DHX34: variants seen among roughly 807,000 people sequenced by gnomAD.
DHX34 encodes DExH-box helicase 34, also known as probable ATP-dependent RNA helicase DHX34.
Under a neutral mutation model 111.1 loss-of-function variants are expected in DHX34, and 96 were observed. The observed-to-expected ratio is 0.86, with a 90% CI of 0.73 to 1.02. The LOEUF is 1.02. Among genes scored for constraint, DHX34 ranks in the 50% least tolerant of loss-of-function variants. The pLI is 0.00. For synonymous variants in DHX34, 688 were observed against 670.4 expected (o/e 1.03, Z -0.41); for missense variants, 1,560 against 1,579.9 (o/e 0.99, Z 0.21).
chr19:47,373,849 G>A (rs117039293), intron 9 of DHX34, 149 bp downstream of exon 9: 1 of 1,046,574 alleles, frequency 9.6e-7, no homozygotes, highest in East Asian at 2.7e-5. Context: ...ACCAGGTGTT[G>A]GGGCAGCTGG....
At chr19:47,381,381 T>C (rs571412986) in intron 16 of DHX34, 57 bp downstream of exon 16, 9 of 1,577,078 alleles carry the variant, frequency 5.7e-6, no homozygotes, top group Non-Finnish European at 7.8e-6. Context: ...GCCCATCCCA[T>C]GATGGTCTCC....
chr19:47,351,256 G>T (rs1969279887), intron 1 of DHX34, among the ~76,000 whole-genome samples: 1 of 132,698 alleles, frequency 7.5e-6, no homozygotes. Flanking sequence ...TTGGCTTCCT[G>T]CAAGCTCTGC....
At chr19:47,351,089 TGA>T (rs1969269575) in intron 1 of DHX34, among the ~76,000 whole-genome samples, 1 of 151,458 alleles carries the variant, frequency 6.6e-6, no homozygotes, top group Admixed American at 6.6e-5. Flanking sequence ...ATAGATACCT[TGA>T]GAGGAGCGGG....
rs1191964022 is a variant in DHX34, at chr19:47,376,316, C to G, written c.2482-127C>G. 2.0e-6 allele frequency: 3 copies of G among 1,525,904 alleles called. No individual in the cohort carries two copies. In the East Asian group the frequency reaches 7.3e-5, roughly 37 times the overall value. 94.5% of individuals were successfully genotyped at this position (1,525,904 alleles called of 1,614,324 possible). A position where few individuals can be genotyped will look rare whatever the true frequency, so the allele number is the denominator to read the frequency against. On this transcript the variant is annotated intron_variant, in intron 11 of 16. Transcript: ENST00000328771. The stretch of plus-strand genomic sequence containing the variant: ...TAGGAGCCCACAGGGGGCATCTGCC[C>G]CAGATTTGGAGGAGTCAGGGAGGGC...
chr19:47,354,932 G>C, intron 2 of DHX34, 107 bp from the exon 3 acceptor site: 1 of 1,532,366 alleles, frequency 6.5e-7, no homozygotes, highest in Non-Finnish European at 8.7e-7. Flanking sequence ...GGGATTACAG[G>C]CGTGAGCCAC....
intron 6 of DHX34, among the ~76,000 whole-genome samples, chr19:47,365,283 A>C (rs1224992425): frequency 6.6e-6 from 1 of 151,194 alleles, no homozygotes; most frequent in Non-Finnish European, 1.5e-5. Context: ...ACAGAGTCTC[A>C]CTCTGTCGCC....
intron 13 of DHX34, among the ~76,000 whole-genome samples, chr19:47,378,597 A>G (rs1442703830): frequency 6.6e-6 from 1 of 152,172 alleles, no homozygotes; most frequent in Admixed American, 6.5e-5. Flanking sequence ...TGGGAGGCTG[A>G]GGTGGGAGGA....
At chr19:47,362,420 G>T (rs1969657914) in intron 5 of DHX34, 56 bp from the exon 6 acceptor site, 4 of 1,451,404 alleles carry the variant, frequency 2.8e-6, no homozygotes, top group Non-Finnish European at 3.6e-6. Context: ...CAGGCGCGTG[G>T]CCAGCTGCAC....
intron 9 of DHX34, chr19:47,375,251 G>C (rs1454631710): frequency 1.0e-6 from 1 of 982,324 alleles, no homozygotes; most frequent in African/African-American, 1.7e-5. Flanking sequence ...GCCCGCACCT[G>C]CCTCCTCTTG....
In DHX34 at chr19:47,359,972, T is replaced by C; in HGVS notation, c.1277T>C (p.Phe426Ser). The C allele has an allele frequency of 1.2e-6, 2 of 1,614,074 alleles. No individual in the cohort carries two copies. Among genetic ancestry groups the C allele is most frequent in the Non-Finnish European group, 1.7e-6 (2 of 1,179,976 alleles). Reference sequence around the variant, plus strand: ...CACCCCCTCCCTTCCTCCCAGGTATTTGATGTGGCACCCCCTGGAGTCCGG... The same window carrying C: ...CACCCCCTCCCTTCCTCCCAGGTATCTGATGTGGCACCCCCTGGAGTCCGG... Reference protein sequence around the residue: ...ALSVADQDKVFDVAPPGVRKC... With the variant: ...ALSVADQDKVSDVAPPGVRKC... Residue 426 changes from phenylalanine (F) to serine (S), a missense_variant, in exon 5 of 17, where the codon TTT becomes TCT. Transcript: ENST00000328771.
In DHX34 at chr19:47,353,656, G is replaced by A; in HGVS notation, c.626G>A (p.Cys209Tyr). ...GCTGCTGGCTTCAGTCATGTGGCGT[G>A]CACCCAGCCCCGGCGGATCGCCTGC... ...LLAAGFSHVACTQPRRIACIS... is the reference protein window; with the variant it reads ...LLAAGFSHVAYTQPRRIACIS... The change falls in exon 2 of 17, where the codon TGC becomes TAC. Residue 209 changes from cysteine to tyrosine, a missense_variant. Coordinates refer to ENST00000328771, the MANE Select transcript of DHX34 (RefSeq NM_014681.6). The surrounding 1 kb of genome is among the most constrained non-coding windows in gnomAD (Gnocchi z 4.6). 6.2e-7 allele frequency: 1 copy of A among 1,613,074 alleles called. No homozygotes were observed.
In DHX34 at chr19:47,379,774, G is replaced by C. The variant is rs763495420; in HGVS notation, c.2771G>C (p.Gly924Ala). 6.2e-7 allele frequency: 1 copy of C among 1,613,088 alleles called. No homozygotes were observed. Among genetic ancestry groups the C allele is most frequent in the Non-Finnish European group, 8.5e-7 (1 of 1,179,234 alleles). ...NGDCSRLVAD[G>A]WLELQLADSE... ...GACTGCTCCCGCCTGGTGGCCGATG[G>C]CTGGCTGGAGCTGCAGCTAGCAGAC... Residue 924 changes from glycine to alanine, a missense_variant, in exon 14 of 17, where the codon GGC becomes GCC. Physicochemically the swap from Gly to Ala is moderately conservative, Grantham distance 60. Transcript: ENST00000328771.
At position 47,362,616 on chromosome 19, in the gene DHX34, G is replaced by A. The variant is rs550371648; in HGVS notation, c.1516G>A (p.Glu506Lys). The A allele has an allele frequency of 3.7e-5, 60 of 1,613,914 alleles. 1 individual carries two copies. The South Asian group carries it at 4.1e-4, about 11-fold the overall frequency. ...CGGAGTCTGCTTCCGCCTCTATGCC[G>A]AATCGGACTATGATGCCTTCGCCCC... ...GPGVCFRLYA[E>K]SDYDAFAPYP... The change falls in exon 6 of 17, where the codon GAA becomes AAA. Residue 506 changes from glutamate to lysine, a missense_variant. Glu to Lys is a moderately conservative substitution (Grantham distance 56). Transcript: ENST00000328771.
intron 12 of DHX34, 88 bp downstream of exon 12, chr19:47,376,648 C>T: frequency 2.0e-6 from 3 of 1,498,388 alleles, no homozygotes; most frequent in Non-Finnish European, 1.8e-6. Flanking sequence ...GGCTGGGGCT[C>T]CCACACCGGC....
Position 47,373,682 on chromosome 19 carries a change from C to T in DHX34, c.2046C>T (p.Asn682=). The change falls in exon 9 of 17, where the codon AAC becomes AAT. Residue 682 remains asparagine, a synonymous_variant. Coordinates refer to ENST00000328771, the MANE Select transcript of DHX34 (RefSeq NM_014681.6). The part of the protein sequence containing the change: ...IEEHRLYEMA[N]LRRQFKELLE... ...AGCATCGACTGTACGAAATGGCCAA[C>T]CTTCGGCGCCAGTTCAAGGTGAGGC... is the stretch of plus-strand genomic sequence containing the variant. The T allele has an allele frequency of 6.2e-7, 1 of 1,613,868 alleles. No individual in the cohort carries two copies. Among genetic ancestry groups the T allele is most frequent in the Non-Finnish European group, 8.5e-7 (1 of 1,179,900 alleles).
Position 47,352,878 on chromosome 19 carries a change from C to T in DHX34, c.-153C>T. ...TGGCCACTTTATCATCTGTGGTGGT[C>T]CTGTGCCGTGACCAGGAGGAAAAAT... On this transcript the variant is annotated 5_prime_UTR_variant, in exon 2 of 17. Transcript: ENST00000328771. 2 of 1,427,762 alleles carry T rather than the reference C, an allele frequency of 1.4e-6. No homozygotes were observed. Among genetic ancestry groups the T allele is most frequent in the South Asian group, 1.5e-5 (1 of 65,842 alleles). The allele number at this position is 1,427,762 out of a possible 1,614,324, so 88.4% of individuals were successfully genotyped here.
At chr19:47,379,233 C>T (rs1193539857) in intron 13 of DHX34, among the ~76,000 whole-genome samples, 1 of 152,134 alleles carries the variant, frequency 6.6e-6, no homozygotes, top group East Asian at 1.9e-4. Context: ...CCTGTACCAT[C>T]CCCGGTCCCC....
intron 7 of DHX34, among the ~76,000 whole-genome samples, chr19:47,370,843 T>C (rs189331358): frequency 7.5e-4 from 114 of 152,252 alleles, no homozygotes; most frequent in African/African-American, 2.6e-3. Flanking sequence ...CACTCAGTTT[T>C]TGTATTTTTT....
chr19:47,363,503 G>A (rs1315517469), intron 6 of DHX34, among the ~76,000 whole-genome samples: 4 of 152,038 alleles, frequency 2.6e-5, no homozygotes, highest in East Asian at 1.9e-4. Context: ...AACCCTTGTT[G>A]AGGGGAGAAT....
Sources: allele counts gnomAD v4.1 joint callset (sites outside exome capture counted in the v4.1 genomes callset), GRCh38; gene constraint gnomAD v4.1.1; non-coding constraint Gnocchi (gnomAD v3.1); transcripts MANE v1.5; gene names NCBI Gene and HGNC (gene_info 2026-07-23, HGNC 2026-07-21).